Variants in IL3 observed in about 807,000 individuals in gnomAD.
IL3 encodes interleukin 3, also known as interleukin-3.
Under a neutral mutation model 15.4 loss-of-function variants are expected in IL3, and 15 were observed. The observed-to-expected ratio is 0.97, with a 90% confidence interval of 0.65 to 1.50. IL3 has a LOEUF of 1.50. Among genes scored for constraint, IL3 ranks in the 40% most tolerant of loss-of-function variants. The pLI is 0.00. For missense variants in IL3, 162 were observed against 192.2 expected (o/e 0.84, Z 0.93); for synonymous variants, 74 against 79.3 (o/e 0.93, Z 0.36).
chr5:132,062,639 C>T (rs1756500775), intron 4 of IL3, 30 bp from the exon 5 acceptor site: 1 of 1,613,824 alleles, frequency 6.2e-7, no homozygotes, highest in Non-Finnish European at 8.5e-7. Flanking sequence ...CCTGGACTCA[C>T]CTAATGCCAC....
Position 132,062,794 on chromosome 5 carries a change from C to T in IL3, c.*3C>T. On this transcript the variant is annotated 3_prime_UTR_variant, in exon 5 of 5. Transcript: ENST00000296870. ...CTTTGAGCCTCGCGATCTTTTGAGTCCAACGTCCAGCTCGTTCTCTGGGCC... is the reference window on the plus strand; with the variant it reads ...CTTTGAGCCTCGCGATCTTTTGAGTTCAACGTCCAGCTCGTTCTCTGGGCC... 6.2e-7 allele frequency: 1 copy of T among 1,612,428 alleles called. No individual in the cohort carries two copies. The highest frequency in any genetic ancestry group is 8.5e-7 in the Non-Finnish European group (1 of 1,178,752).
intron 2 of IL3, among the ~76,000 whole-genome samples, chr5:132,061,224 T>C (rs910451410): frequency 1.1e-4 from 17 of 152,260 alleles, no homozygotes; most frequent in African/African-American, 4.1e-4. Flanking sequence ...GCCATGGCTA[T>C]AATAATGAAA....
chr5:132,062,933 G>A lies in IL3; in HGVS notation c.*142G>A. ...TTCACCTTTTCCTGCGGCATCAGAT[G>A]AATTGTTAATTATCTAATTTCTGAA... On this transcript the variant is annotated 3_prime_UTR_variant, in exon 5 of 5. Coordinates refer to ENST00000296870, the MANE Select transcript of IL3 (RefSeq NM_000588.4). 3.5e-6 allele frequency: 4 copies of A among 1,130,740 alleles called. No individual in the cohort carries two copies. Among genetic ancestry groups the A allele is most frequent in the Non-Finnish European group, 3.7e-6 (3 of 818,496 alleles). 70.0% of individuals were successfully genotyped at this position (1,130,740 alleles called of 1,614,324 possible).
At position 132,062,702 on chromosome 5, in the gene IL3, A is replaced by C. The variant is rs1222622684; in HGVS notation, c.370A>C (p.Asn124His). ...HPIHIKDGDWNEFRRKLTFYL... is the reference protein window; with the variant it reads ...HPIHIKDGDWHEFRRKLTFYL... ...AATCCATATCAAGGACGGTGACTGG[A>C]ATGAATTCCGGAGGAAACTGACGTT... The change falls in exon 5 of 5, where the codon AAT becomes CAT. Residue 124 changes from asparagine (N) to histidine (H), a missense_variant. Coordinates refer to ENST00000296870, the MANE Select transcript of IL3 (RefSeq NM_000588.4). 6.2e-7 allele frequency: 1 copy of C among 1,614,206 alleles called. No individual in the cohort carries two copies. Among genetic ancestry groups the C allele is most frequent in the Non-Finnish European group, 8.5e-7 (1 of 1,180,038 alleles).
rs2069805 is a variant in IL3 at position 132,061,855 on chromosome 5, G to A, written c.205-457G>A. ...ACGATCTCAGCTCACTGCTACCTCTGCCTCCTGAGTTCAAGCAATTCTCCT... is the reference window on the plus strand; with the variant it reads ...ACGATCTCAGCTCACTGCTACCTCTACCTCCTGAGTTCAAGCAATTCTCCT... On this transcript the variant is annotated intron_variant, in intron 2 of 4. Coordinates refer to ENST00000296870, the MANE Select transcript of IL3 (RefSeq NM_000588.4). Among the ~76,000 whole-genome samples the A allele has an allele frequency of 3.8e-3, 568 of 149,222 alleles. 3 individuals carry two copies. Among genetic ancestry groups the A allele is most frequent in the Non-Finnish European group, 6.3e-3 (429 of 67,754 alleles).
At position 132,062,896 on chromosome 5, in the gene IL3, G is replaced by C; in HGVS notation, c.*105G>C. 7.0e-7 allele frequency: 1 copy of C among 1,419,414 alleles called. No homozygotes were observed. Among genetic ancestry groups the C allele is most frequent in the South Asian group, 1.4e-5 (1 of 69,936 alleles). 87.9% of individuals were successfully genotyped at this position (1,419,414 alleles called of 1,614,324 possible). On this transcript the variant is annotated 3_prime_UTR_variant, in exon 5 of 5. Transcript: ENST00000296870. Reference sequence around the variant, plus strand: ...CTGGGTCATCTCTCACACATTCCAGGACCAGAAGCATTTCACCTTTTCCTG... The same window carrying C: ...CTGGGTCATCTCTCACACATTCCAGCACCAGAAGCATTTCACCTTTTCCTG...
intron 2 of IL3, among the ~76,000 whole-genome samples, chr5:132,061,460 T>C (rs1191249672): frequency 6.6e-6 from 1 of 152,244 alleles, no homozygotes; most frequent in Non-Finnish European, 1.5e-5. Context: ...GTTGCAGTTG[T>C]TCTGTCTCAC....
At chr5:132,061,288 G>C (rs573677918) in intron 2 of IL3, among the ~76,000 whole-genome samples, 14 of 152,214 alleles carry the variant, frequency 9.2e-5, no homozygotes, top group Non-Finnish European at 1.5e-5. Context: ...AATACCAAGG[G>C]CCTTAAGGTC....
rs1357180419 is a variant in IL3, at chr5:132,062,520, C to A, written c.295-6C>A. The A allele has an allele frequency of 1.2e-6, 2 of 1,614,176 alleles. No homozygotes were observed. The highest frequency in any genetic ancestry group is 1.7e-6 in the Non-Finnish European group (2 of 1,180,026). ...TCTGACCATCTGCTTTGGTCTCTTT[C>A]CACAGAATCTCCTGCCATGTCTGCC... is the stretch of plus-strand genomic sequence containing the variant. On this transcript the variant is annotated splice_region_variant and splice_polypyrimidine_tract_variant and intron_variant, in intron 3 of 4. Coordinates refer to ENST00000296870, the MANE Select transcript of IL3 (RefSeq NM_000588.4).
rs761361539 is a variant in IL3, at chr5:132,062,719, A to T, written c.387A>T (p.Lys129Asn). ...KDGDWNEFRR[K>N]LTFYLKTLEN... ...GTGACTGGAATGAATTCCGGAGGAA[A>T]CTGACGTTCTATCTGAAAACCCTTG... Residue 129 changes from lysine (K) to asparagine (N), a missense_variant, in exon 5 of 5, where the codon AAA becomes AAT. By Grantham distance (94) the Lys-to-Asn change is moderately conservative (BLOSUM62 0). Transcript: ENST00000296870. 2.5e-6 allele frequency: 4 copies of T among 1,614,096 alleles called. No homozygotes were observed. The highest frequency in any genetic ancestry group is 3.4e-6 in the Non-Finnish European group (4 of 1,180,046).
chr5:132,062,637 C>T lies in IL3; in HGVS notation c.337-32C>T, dbSNP rs376268209. ...GGTCATCACCATTACAGCCTGGACTCACCTAATGCCACCTTCTTGGTTTCT... is the reference window on the plus strand; with the variant it reads ...GGTCATCACCATTACAGCCTGGACTTACCTAATGCCACCTTCTTGGTTTCT... On this transcript the variant is annotated intron_variant, in intron 4 of 4. Coordinates refer to ENST00000296870, the MANE Select transcript of IL3 (RefSeq NM_000588.4). The T allele has an allele frequency of 6.7e-5, 108 of 1,613,540 alleles. No homozygotes were observed. In the African/African-American group the frequency reaches 8.3e-4, roughly 12 times the overall value.
At chr5:132,062,192 G>A in intron 2 of IL3, 120 bp from the exon 3 acceptor site, 2 of 824,316 alleles carry the variant, frequency 2.4e-6, no homozygotes, top group African/African-American at 1.7e-5. Context: ...ACGGGACTAG[G>A]AGGGAACCCG....
Position 132,062,526 on chromosome 5 carries a change from A to G in IL3, c.295A>G (p.Asn99Asp). Residue 99 changes from asparagine to aspartate, a missense_variant and splice_region_variant, in exon 4 of 5, where the codon AAT becomes GAT. Asn to Asp is a conservative substitution (Grantham distance 23). Transcript: ENST00000296870. Reference protein sequence around the residue: ...NASAIESILKNLLPCLPLATA... With the variant: ...NASAIESILKDLLPCLPLATA... ...CATCTGCTTTGGTCTCTTTCCACAG[A>G]ATCTCCTGCCATGTCTGCCCCTGGC... The G allele has an allele frequency of 6.2e-7, 1 of 1,614,120 alleles. No individual in the cohort carries two copies. Among genetic ancestry groups the G allele is most frequent in the Non-Finnish European group, 8.5e-7 (1 of 1,180,020 alleles).
At position 132,060,825 on chromosome 5, in the gene IL3, A is replaced by G. The variant is rs369668027; in HGVS notation, c.119A>G (p.Asp40Gly). The G allele has an allele frequency of 9.3e-6, 15 of 1,614,108 alleles. No individual in the cohort carries two copies. The highest frequency in any genetic ancestry group is 1.3e-5 in the Non-Finnish European group (15 of 1,180,036). Residue 40 changes from aspartate to glycine, a missense_variant, in exon 1 of 5, where the codon GAT becomes GGT. Physicochemically the swap from Asp to Gly is moderately conservative, Grantham distance 94. Transcript: ENST00000296870. ...TGGGTTAACTGCTCTAACATGATCG[A>G]TGAAATTATAACACACTTAAAGCAG... ...TSWVNCSNMI[D>G]EIITHLKQPP...
intron 2 of IL3, among the ~76,000 whole-genome samples, chr5:132,061,938 A>G (rs1756486388): frequency 6.6e-6 from 1 of 151,954 alleles, no homozygotes. Context: ...CCATTTTTGT[A>G]TTTTTAGTAG....
At chr5:132,061,156 C>T in intron 2 of IL3, 148 bp downstream of exon 2, 5 of 708,306 alleles carry the variant, frequency 7.1e-6, no homozygotes, top group Admixed American at 2.5e-5. Context: ...AATCAAATGG[C>T]ACAATGTGCA....
In IL3 at chr5:132,062,805, C is replaced by A; in HGVS notation, c.*14C>A. ...GCGATCTTTTGAGTCCAACGTCCAGCTCGTTCTCTGGGCCTTCTCACCACA... is the reference window on the plus strand; with the variant it reads ...GCGATCTTTTGAGTCCAACGTCCAGATCGTTCTCTGGGCCTTCTCACCACA... On this transcript the variant is annotated 3_prime_UTR_variant, in exon 5 of 5. Coordinates refer to ENST00000296870, the MANE Select transcript of IL3 (RefSeq NM_000588.4). 6.2e-7 allele frequency: 1 copy of A among 1,609,410 alleles called. No individual in the cohort carries two copies. Among genetic ancestry groups the A allele is most frequent in the African/African-American group, 1.3e-5 (1 of 74,932 alleles).
At position 132,062,727 on chromosome 5, in the gene IL3, T is replaced by A; in HGVS notation, c.395T>A (p.Phe132Tyr). 1 of 1,614,192 alleles carries A rather than the reference T, an allele frequency of 6.2e-7. No individual in the cohort carries two copies. The highest frequency in any genetic ancestry group is 8.5e-7 in the Non-Finnish European group (1 of 1,180,030). The change falls in exon 5 of 5, where the codon TTC becomes TAC. Residue 132 changes from phenylalanine to tyrosine, a missense_variant. By Grantham distance (22) the Phe-to-Tyr change is conservative. Transcript: ENST00000296870. ...AATGAATTCCGGAGGAAACTGACGTTCTATCTGAAAACCCTTGAGAATGCG... is the reference window on the plus strand; with the variant it reads ...AATGAATTCCGGAGGAAACTGACGTACTATCTGAAAACCCTTGAGAATGCG... ...DWNEFRRKLT[F>Y]YLKTLENAQA...
At position 132,060,703 on chromosome 5, in the gene IL3, A is replaced by G; in HGVS notation, c.-4A>G. On this transcript the variant is annotated 5_prime_UTR_variant, in exon 1 of 5. Transcript: ENST00000296870. ...AAGACAGAGTGCCTCCTGCCGATCC[A>G]AACATGAGCCGCCTGCCCGTCCTGC... 1 of 1,612,764 alleles carries G rather than the reference A, an allele frequency of 6.2e-7. No individual in the cohort carries two copies. Among genetic ancestry groups the G allele is most frequent in the Non-Finnish European group, 8.5e-7 (1 of 1,180,030 alleles).
Sources: gnomAD v4.1 joint callset for allele counts (sites outside exome capture counted in the v4.1 genomes callset) on GRCh38, gnomAD v4.1.1 for gene constraint, MANE v1.5 for transcripts, NCBI Gene and HGNC (gene_info 2026-07-23, HGNC 2026-07-21) for gene names.